Variants in CTNNA2 observed in about 807,000 individuals in gnomAD.
CTNNA2 encodes the protein catenin alpha 2.
CTNNA2 carries 42 observed loss-of-function variants against 101.0 expected under a neutral mutation model. The ratio of observed to expected loss-of-function variants is 0.42; its 90% CI spans 0.32 to 0.54. CTNNA2 has a LOEUF of 0.54. Ranked by LOEUF, CTNNA2 falls within the 20% of genes least tolerant of loss-of-function variation. The pLI is 0.14. For missense variants in CTNNA2, 871 were observed against 1,223.1 expected, an observed-to-expected ratio of 0.71 and a Z score of 4.29; for synonymous variants, 450 against 456.4, an observed-to-expected ratio of 0.99 and a Z score of 0.18.
At chr2:79,376,965 T>C (rs2104459711) in intron 4 of CTNNA2, among the ~76,000 whole-genome samples, 1 of 152,276 alleles carries the variant, frequency 6.6e-6, no homozygotes, top group African/African-American at 2.4e-5. Context: ...TGTGTCTTTA[T>C]AGCAGCATGT....
chr2:79,218,197 A>G (rs2104215094), intron 2 of CTNNA2, among the ~76,000 whole-genome samples: 1 of 152,298 alleles, frequency 6.6e-6, no homozygotes, highest in Admixed American at 6.5e-5. Flanking sequence ...TGCCTGCTGC[A>G]TCTAGGGCTT....
chr2:80,008,036 G>T (rs1693500201), intron 7 of CTNNA2, among the ~76,000 whole-genome samples: 1 of 152,144 alleles, frequency 6.6e-6, no homozygotes. Flanking sequence ...AAATTCTCTA[G>T]AACTCTAAGG....
chr2:79,498,096 T>C (rs1165749739), intron 4 of CTNNA2: 1 of 152,232 alleles, frequency 6.6e-6, no homozygotes, highest in Non-Finnish European at 1.5e-5. Flanking sequence ...AGCCACCACA[T>C]GTACACGTAT....
At chr2:79,581,705 A>G (rs1676157882) in intron 1 of CTNNA2, among the ~76,000 whole-genome samples, 1 of 152,192 alleles carries the variant, frequency 6.6e-6, no homozygotes, top group Non-Finnish European at 1.5e-5. Context: ...CTAGAGAAAA[A>G]TAGATTGAAG....
At chr2:79,698,388 G>A (rs1684779752) in intron 2 of CTNNA2, among the ~76,000 whole-genome samples, 1 of 152,010 alleles carries the variant, frequency 6.6e-6, no homozygotes, top group African/African-American at 2.4e-5. Context: ...AACAGAACTT[G>A]AATCGTTTCA....
chr2:79,536,059 A>C (rs1673036119), intron 1 of CTNNA2, among the ~76,000 whole-genome samples: 1 of 152,184 alleles, frequency 6.6e-6, no homozygotes, highest in Admixed American at 6.5e-5. Flanking sequence ...TAATTTTCAG[A>C]GGGGTCACAG....
chr2:79,902,878 G>C (rs1305090974), intron 6 of CTNNA2, among the ~76,000 whole-genome samples: 2 of 152,122 alleles, frequency 1.3e-5, no homozygotes, highest in African/African-American at 2.4e-5. Context: ...GCCTGCCTCA[G>C]CCTCCCAAAG....
chr2:79,887,945 G>A (rs142274423), intron 6 of CTNNA2, among the ~76,000 whole-genome samples: 1 of 152,230 alleles, frequency 6.6e-6, no homozygotes, highest in East Asian at 1.9e-4. Context: ...ACATCTGGTG[G>A]CCAAACAAAG....
At position 79,652,264 on chromosome 2, in the gene CTNNA2, T is replaced by C. The variant is rs573542329; in HGVS notation, c.102+606T>C. On this transcript the variant is annotated intron_variant, in intron 2 of 18. Transcript: ENST00000402739. The stretch of plus-strand genomic sequence containing the variant: ...TTTTTTTTTTTTTTTTACCAAATTA[T>C]AATAGAGGCATTTGTATTGTCCTGT... 2.0e-5 allele frequency among the ~76,000 whole-genome samples: 3 copies of C among 151,502 alleles called. No homozygotes were observed. The South Asian group carries it at 6.3e-4, about 32-fold the overall frequency.
chr2:80,648,113 C>T lies in CTNNA2; in HGVS notation c.*241C>T, dbSNP rs1573565837. On this transcript the variant is annotated 3_prime_UTR_variant, in exon 19 of 19. Coordinates refer to ENST00000402739, the MANE Select transcript of CTNNA2 (RefSeq NM_001282597.3). ...ACAGAGCTGTCCTTTGCAACATTCTCATAAAATTGGGCACAGAGTTCGCAT... is the reference window on the plus strand; with the variant it reads ...ACAGAGCTGTCCTTTGCAACATTCTTATAAAATTGGGCACAGAGTTCGCAT... The T allele has an allele frequency of 6.1e-6, 2 of 325,372 alleles. No homozygotes were observed. Among genetic ancestry groups the T allele is most frequent in the East Asian group, 9.5e-5 (2 of 20,958 alleles). 20.2% of individuals were successfully genotyped at this position (325,372 alleles called of 1,614,324 possible).
At chr2:79,477,980 G>A (rs1336753742) in intron 4 of CTNNA2, among the ~76,000 whole-genome samples, 2 of 152,132 alleles carry the variant, frequency 1.3e-5, no homozygotes, top group African/African-American at 4.8e-5. Context: ...CAAATTTCAA[G>A]ACACAAATCA....
At chr2:79,825,148 C>G (rs1344820010) in intron 3 of CTNNA2, among the ~76,000 whole-genome samples, 1 of 152,150 alleles carries the variant, frequency 6.6e-6, no homozygotes, top group Non-Finnish European at 1.5e-5. Flanking sequence ...AGGATTGTGC[C>G]ACTGCACTCC....
intron 7 of CTNNA2, among the ~76,000 whole-genome samples, chr2:79,941,020 C>A (rs1688122918): frequency 6.6e-6 from 1 of 152,136 alleles, no homozygotes; most frequent in Non-Finnish European, 1.5e-5. Flanking sequence ...ATTTCAGAAG[C>A]CACAAGAAGC....
intron 7 of CTNNA2, among the ~76,000 whole-genome samples, chr2:80,279,356 C>T (rs967699020): frequency 3.9e-5 from 6 of 151,972 alleles, no homozygotes; most frequent in South Asian, 2.1e-4. Context: ...TGCAAAGACA[C>T]GTTGAGTGTC....
intron 7 of CTNNA2, among the ~76,000 whole-genome samples, chr2:80,244,601 C>T (rs893191920): frequency 1.2e-4 from 19 of 152,202 alleles, no homozygotes; most frequent in Non-Finnish European, 2.5e-4. Context: ...CTAAGTCAGG[C>T]TTCAGACAAT....
intron 4 of CTNNA2, among the ~76,000 whole-genome samples, chr2:79,427,122 G>A (rs944323964): frequency 6.6e-6 from 1 of 151,906 alleles, no homozygotes; most frequent in African/African-American, 2.4e-5. Context: ...TCTGAGGACA[G>A]GTTGCAATAA....
intron 18 of CTNNA2, among the ~76,000 whole-genome samples, chr2:80,638,276 G>A (rs185461396): frequency 9.2e-5 from 14 of 152,268 alleles, no homozygotes; most frequent in African/African-American, 2.9e-4. Flanking sequence ...AATGCCTTAT[G>A]TATTCATGTG....
At chr2:79,970,071 C>T (rs115577393) in intron 7 of CTNNA2, among the ~76,000 whole-genome samples, 1 of 152,294 alleles carries the variant, frequency 6.6e-6, no homozygotes, top group Non-Finnish European at 1.5e-5. Flanking sequence ...TAAATAGGTG[C>T]ATACTCCTAG....
intron 3 of CTNNA2, among the ~76,000 whole-genome samples, chr2:79,845,433 A>T (rs2103869038): frequency 6.6e-6 from 1 of 152,290 alleles, no homozygotes; most frequent in South Asian, 2.1e-4. Flanking sequence ...ACAAGCACAC[A>T]TATAGCTATG....
Sources: allele counts gnomAD v4.1 joint callset (sites outside exome capture counted in the v4.1 genomes callset), GRCh38; gene constraint gnomAD v4.1.1; transcripts MANE v1.5; gene names NCBI Gene and HGNC (gene_info 2026-07-23, HGNC 2026-07-21).